The following MAP4 variants were observed in gnomAD, a reference collection of about 807,000 sequenced individuals.
MAP4 encodes microtubule associated protein 4.
In MAP4, 76 loss-of-function variants were observed where a neutral mutation model predicts 170.2. The ratio of observed to expected loss-of-function variants is 0.45; its 90% CI spans 0.37 to 0.54. MAP4 has a LOEUF of 0.54. MAP4 is among the 20% of genes least tolerant of loss of function. MAP4 has a pLI of 0.00. For synonymous variants in MAP4, 909 were observed against 994.5 expected, an observed-to-expected ratio of 0.91 and a Z score of 1.62; for missense variants, 2,506 against 2,748.0, an observed-to-expected ratio of 0.91 and a Z score of 1.97.
chr3:48,014,469 G>A (rs989306177), intron 1 of MAP4, among the ~76,000 whole-genome samples: 3 of 152,082 alleles, frequency 2.0e-5, no homozygotes, highest in Non-Finnish European at 2.9e-5. Flanking sequence ...CAGAGCTTGG[G>A]CAAAATGGCA....
chr3:47,985,909 G>C (rs1018542311), intron 2 of MAP4, among the ~76,000 whole-genome samples: 19 of 152,314 alleles, frequency 1.2e-4, no homozygotes, highest in African/African-American at 4.1e-4. Context: ...TTTAACTTCT[G>C]ATCTCTATCA....
At chr3:48,042,485 T>C (rs1336701827) in intron 1 of MAP4, among the ~76,000 whole-genome samples, 1 of 152,140 alleles carries the variant, frequency 6.6e-6, no homozygotes, top group Non-Finnish European at 1.5e-5. Flanking sequence ...AATCTGTACA[T>C]TTCTCCAAAG....
intron 1 of MAP4, among the ~76,000 whole-genome samples, chr3:48,025,816 C>T (rs1392691223): frequency 6.6e-6 from 1 of 151,456 alleles, no homozygotes. Context: ...AGGAGAATTA[C>T]TTGAACCTGG....
At chr3:48,067,259 C>T (rs2100138779) in intron 1 of MAP4, among the ~76,000 whole-genome samples, 1 of 152,070 alleles carries the variant, frequency 6.6e-6, no homozygotes, top group Non-Finnish European at 1.5e-5. Flanking sequence ...TGAACACTCT[C>T]ATTTTACAGT....
chr3:47,928,155 G>A, intron 4 of MAP4, 73 bp downstream of exon 4: 1 of 1,578,788 alleles, frequency 6.3e-7, no homozygotes, highest in Non-Finnish European at 8.7e-7. Context: ...ATTTTCATCT[G>A]AATGGTGGTT....
chr3:47,930,067 T>C (rs946276474), intron 3 of MAP4, among the ~76,000 whole-genome samples: 4 of 151,928 alleles, frequency 2.6e-5, no homozygotes, highest in Admixed American at 2.6e-4. Flanking sequence ...GAGGCGAAGG[T>C]TGCAGTGAGC....
chr3:47,916,228 G>A lies in MAP4; in HGVS notation c.1599C>T (p.Asn533=), dbSNP rs200405222. 2.4e-5 allele frequency: 39 copies of A among 1,614,182 alleles called. No homozygotes were observed. The highest frequency in any genetic ancestry group is 1.8e-4 in the East Asian group (8 of 44,890). The change falls in exon 7 of 21, where the codon AAC becomes AAT. Residue 533 remains asparagine, a synonymous_variant. Coordinates refer to ENST00000683076, the MANE Select transcript of MAP4 (RefSeq NM_001385682.1). ...PPETEVVLIK[N]VCLPPEMEVA... ...CCTCCATTTCTGGAGGCAGACATAC[G>A]TTCTTGATGAGAACTACTTCTGTTT...
intron 3 of MAP4, among the ~76,000 whole-genome samples, chr3:47,971,612 T>C (rs1014493552): frequency 1.3e-5 from 2 of 152,212 alleles, no homozygotes; most frequent in Non-Finnish European, 1.5e-5. Flanking sequence ...GCAATGTGTC[T>C]AGCCCCAAAC....
At chr3:47,954,634 A>G (rs2100066587) in intron 3 of MAP4, among the ~76,000 whole-genome samples, 1 of 152,234 alleles carries the variant, frequency 6.6e-6, no homozygotes, top group African/African-American at 2.4e-5. Flanking sequence ...CCCAAAGGCC[A>G]TTTACTAGAG....
At chr3:48,076,495 A>C (rs576167758) in intron 1 of MAP4, among the ~76,000 whole-genome samples, 44 of 149,722 alleles carry the variant, frequency 2.9e-4, no homozygotes, top group African/African-American at 1.1e-3. Context: ...GAACGAGACT[A>C]CATCTTAAAA....
chr3:48,076,651 C>A (rs1429899763), intron 1 of MAP4, among the ~76,000 whole-genome samples: 2 of 151,910 alleles, frequency 1.3e-5, no homozygotes, highest in African/African-American at 4.8e-5. Flanking sequence ...TGCACTCCAG[C>A]CTGGACAAAA....
intron 4 of MAP4, among the ~76,000 whole-genome samples, chr3:47,927,837 T>C (rs2100046951): frequency 6.6e-6 from 1 of 152,278 alleles, no homozygotes; most frequent in African/African-American, 2.4e-5. Context: ...AGAGGATACA[T>C]ATATTTGGCA....
intron 1 of MAP4, among the ~76,000 whole-genome samples, chr3:48,079,673 G>A (rs1325648239): frequency 4.0e-5 from 6 of 151,724 alleles, no homozygotes; most frequent in South Asian, 4.2e-4. Context: ...AAAAAAAGCC[G>A]GGTGCGGTGG....
intron 10 of MAP4, among the ~76,000 whole-genome samples, chr3:47,897,937 A>C (rs2100027830): frequency 7.2e-6 from 1 of 138,820 alleles, no homozygotes; most frequent in Non-Finnish European, 1.5e-5. Context: ...GTGAGACTCC[A>C]TATCGGGGGG....
intron 1 of MAP4, among the ~76,000 whole-genome samples, chr3:48,027,483 T>C (rs1166165028): frequency 1.3e-5 from 2 of 152,114 alleles, no homozygotes; most frequent in Non-Finnish European, 2.9e-5. Context: ...GCCCATATAG[T>C]GTTTTGAAAA....
chr3:48,066,880 G>A (rs765245139), intron 1 of MAP4, among the ~76,000 whole-genome samples: 3 of 117,424 alleles, frequency 2.6e-5, no homozygotes, highest in Admixed American at 1.2e-4. Flanking sequence ...TCGCTCTGTC[G>A]CCCAGGCTGG....
intron 2 of MAP4, among the ~76,000 whole-genome samples, chr3:47,985,050 T>C (rs1296866813): frequency 6.6e-6 from 1 of 151,010 alleles, no homozygotes; most frequent in African/African-American, 2.4e-5. Flanking sequence ...GAGGCAGAGG[T>C]GGGTGAATCA....
chr3:47,987,421 G>C (rs373302721), intron 2 of MAP4: 1 of 1,531,322 alleles, frequency 6.5e-7, no homozygotes, highest in African/African-American at 1.4e-5. Flanking sequence ...AGGGTGTGGG[G>C]GTAGTGGGAG....
chr3:47,985,277 CA>C (rs937074396), intron 2 of MAP4, among the ~76,000 whole-genome samples: 16 of 138,328 alleles, frequency 1.2e-4, no homozygotes, highest in Non-Finnish European at 1.3e-4. Flanking sequence ...AAGACTTTGT[CA>C]AAAAAAAAAA....
Sources: allele counts gnomAD v4.1 joint callset (sites outside exome capture counted in the v4.1 genomes callset), GRCh38; gene constraint gnomAD v4.1.1; transcripts MANE v1.5; gene names NCBI Gene and HGNC (gene_info 2026-07-23, HGNC 2026-07-21).